Variants in NOM1 observed in about 807,000 individuals in gnomAD.
NOM1 encodes the protein nucleolar protein with MIF4G domain 1.
Under a neutral mutation model 73.3 loss-of-function variants are expected in NOM1, and 58 were observed. That is an observed-to-expected ratio of 0.79 (90% CI 0.64 to 0.99). NOM1 has a LOEUF of 0.99. Ranked by LOEUF, NOM1 falls within the 50% of genes least tolerant of loss-of-function variation. The pLI is 0.00. For missense variants in NOM1, 1,226 were observed against 1,131.9 expected, an observed-to-expected ratio of 1.08 and a Z score of -1.19; for synonymous variants, 487 against 446.8, an observed-to-expected ratio of 1.09 and a Z score of -1.14.
rs1461868519 is a variant in NOM1, at chr7:156,963,060, G to A, written c.1796G>A (p.Ser599Asn). ...ACGCAGCTTCGCGTCTCCTGGGACA[G>A]TGTCTTGAGTGCGGAGCAGACGGGT... ...SETQLRVSWDSVLSAEQTGRW... is the reference protein window; with the variant it reads ...SETQLRVSWDNVLSAEQTGRW... Residue 599 changes from serine to asparagine, a missense_variant, in exon 6 of 11, where the codon AGT becomes AAT. By Grantham distance (46) the Ser-to-Asn change is conservative. Transcript: ENST00000275820. 1.2e-6 allele frequency: 2 copies of A among 1,614,254 alleles called. No homozygotes were observed. The highest frequency in any genetic ancestry group is 8.5e-7 in the Non-Finnish European group (1 of 1,180,038).
chr7:156,954,430 CTCTATTG>C (rs909330742), intron 3 of NOM1, 132 bp downstream of exon 3: 14 of 660,254 alleles, frequency 2.1e-5, no homozygotes, highest in South Asian at 8.1e-5. Flanking sequence ...TGAATAAATA[CTCTATTG>C]TCTATGTCAT....
chr7:156,959,404 A>AT (rs33936500), intron 3 of NOM1, among the ~76,000 whole-genome samples: 71,874 of 150,156 alleles, frequency 0.48, 17,309 homozygotes, highest in Middle Eastern at 0.58. Context: ...CACCTGGCTA[A>AT]TTTTTTTTTG....
In NOM1 at chr7:156,963,176, G is replaced by A. The variant is rs1286999100; in HGVS notation, c.1911+1G>A. On this transcript the variant is annotated splice_donor_variant, in intron 6 of 10. Transcript: ENST00000275820. LOFTEE classifies it high-confidence loss of function. The stretch of plus-strand genomic sequence containing the variant: ...CCTGCAGAAGCAGCTTGTGGGGACG[G>A]TAGGGACACCCATGCTCAAGGCTGC... The A allele has an allele frequency of 1.9e-6, 3 of 1,614,028 alleles. No homozygotes were observed. The highest frequency in any genetic ancestry group is 3.3e-5 in the Admixed American group (2 of 60,028).
intron 5 of NOM1, 91 bp downstream of exon 5, chr7:156,962,352 C>G: frequency 9.5e-7 from 1 of 1,054,126 alleles, no homozygotes. Flanking sequence ...CAGACCTGCA[C>G]GTCAGGGTGG....
At chr7:156,962,000 T>A in intron 4 of NOM1, 151 bp from the exon 5 acceptor site, 1 of 665,764 alleles carries the variant, frequency 1.5e-6, no homozygotes, top group East Asian at 2.6e-5. Flanking sequence ...CTGAGACTAG[T>A]TTAGACTGTC....
chr7:156,950,445 TGAG>T lies in NOM1; in HGVS notation c.717_719del (p.Glu240del). ...ATAGCGGCTTGTACGACAGCAGTGG[TGAG>T]GAGGAGGAAGATGCCGGACAGACAC... On this transcript the variant is annotated inframe_deletion, in exon 1 of 11. Coordinates refer to ENST00000275820, the MANE Select transcript of NOM1 (RefSeq NM_138400.2). The T allele has an allele frequency of 7.4e-6, 12 of 1,612,616 alleles. No individual in the cohort carries two copies. Among genetic ancestry groups the T allele is most frequent in the South Asian group, 1.1e-5 (1 of 91,014 alleles).
In NOM1 at chr7:156,970,653, C is replaced by G. The variant is rs1805120060; in HGVS notation, c.*950C>G. 1 of 152,018 alleles carries G rather than the reference C, an allele frequency of 6.6e-6. No individual in the cohort carries two copies. Among genetic ancestry groups the G allele is most frequent in the African/African-American group, 2.4e-5 (1 of 41,374 alleles). The allele number at this position is 152,018 out of a possible 1,614,324, so 9.4% of individuals were successfully genotyped here. On this transcript the variant is annotated 3_prime_UTR_variant, in exon 11 of 11. Transcript: ENST00000275820. ...TCCTGACCTCAGGTGATACACCCATCTCGGCCTCCCAAAGTGCTGGGATTA... is the reference window on the plus strand; with the variant it reads ...TCCTGACCTCAGGTGATACACCCATGTCGGCCTCCCAAAGTGCTGGGATTA...
chr7:156,966,891 A>T (rs1805011484), intron 8 of NOM1, 70 bp from the exon 9 acceptor site: 1 of 1,420,050 alleles, frequency 7.0e-7, no homozygotes, highest in Admixed American at 2.3e-5. Context: ...CCTTTAGGTT[A>T]TGTTGTTAGT....
chr7:156,949,976 A>T lies in NOM1; in HGVS notation c.239A>T (p.Lys80Ile), dbSNP rs2134764558. ...GTGAGCTTTCGCCCGGGAGGGAGAA[A>T]AAGCCGTAAGGAACTGAGGAAGGAG... ...APVSFRPGGR[K>I]SRKELRKEKR... The change falls in exon 1 of 11, where the codon AAA becomes ATA. Residue 80 changes from lysine (K) to isoleucine (I), a missense_variant. Lys to Ile is a moderately radical substitution (Grantham distance 102, BLOSUM62 -3). Coordinates refer to ENST00000275820, the MANE Select transcript of NOM1 (RefSeq NM_138400.2). 3.2e-6 allele frequency: 5 copies of T among 1,540,616 alleles called. No homozygotes were observed. The East Asian group carries it at 1.2e-4, about 38-fold the overall frequency.
chr7:156,966,154 A>G (rs1340567100), intron 7 of NOM1, 116 bp from the exon 8 acceptor site: 2 of 1,318,330 alleles, frequency 1.5e-6, no homozygotes, highest in African/African-American at 2.9e-5. Flanking sequence ...CACCTCCTTT[A>G]CGTGGCTCGC....
chr7:156,956,826 C>A (rs1045416812), intron 3 of NOM1, among the ~76,000 whole-genome samples: 4 of 152,210 alleles, frequency 2.6e-5, no homozygotes, highest in African/African-American at 9.7e-5. Flanking sequence ...GTGATGGAAT[C>A]ACTGGGTGCC....
At chr7:156,961,621 T>C (rs770035907) in intron 4 of NOM1, among the ~76,000 whole-genome samples, 147 of 152,302 alleles carry the variant, frequency 9.7e-4, no homozygotes, top group Non-Finnish European at 1.5e-3. Context: ...ATACCTTACA[T>C]GAGTGAGTTT....
chr7:156,950,331 C>CA lies in NOM1; in HGVS notation c.599dup (p.Lys201GlufsTer17), dbSNP rs1804553922. The CA allele has an allele frequency of 6.2e-7, 1 of 1,613,638 alleles. No homozygotes were observed. The highest frequency in any genetic ancestry group is 8.5e-7 in the Non-Finnish European group (1 of 1,179,908). ...AGCGTTGCCTCGGTTTGAACAAGCG[C>CA]AAAAAGAAGGACGGCAGCAGCTCCG... is the stretch of plus-strand genomic sequence containing the variant. On this transcript the variant is annotated frameshift_variant, in exon 1 of 11. Transcript: ENST00000275820. LOFTEE classifies it high-confidence loss of function.
At position 156,955,727 on chromosome 7, in the gene NOM1, G is replaced by A. The variant is rs115717958; in HGVS notation, c.1308+1429G>A. Reference sequence around the variant, plus strand: ...CGCTATGTGAAATTCCCAAGATCACGTCTTGTTAAAAGTACACAGAACTTG... The same window carrying A: ...CGCTATGTGAAATTCCCAAGATCACATCTTGTTAAAAGTACACAGAACTTG... On this transcript the variant is annotated intron_variant, in intron 3 of 10. Transcript: ENST00000275820. Among the ~76,000 whole-genome samples, 1,408 of 152,294 alleles carry A rather than the reference G, an allele frequency of 9.2e-3. 27 individuals carry two copies. The highest frequency in any genetic ancestry group is 0.03 in the African/African-American group (1,236 of 41,546).
At position 156,966,422 on chromosome 7, in the gene NOM1, C is replaced by T; in HGVS notation, c.2166+20C>T. 1 of 1,613,356 alleles carries T rather than the reference C, an allele frequency of 6.2e-7. No individual in the cohort carries two copies. Among genetic ancestry groups the T allele is most frequent in the Non-Finnish European group, 8.5e-7 (1 of 1,179,828 alleles). On this transcript the variant is annotated intron_variant, in intron 8 of 10. Transcript: ENST00000275820. ...TTTCAGGTAGCTTAGTGCGGAGGCA[C>T]CAGTTACGTCCGCTCTACTATTTTT... is the stretch of plus-strand genomic sequence containing the variant.
At chr7:156,955,001 A>G (rs895992584) in intron 3 of NOM1, among the ~76,000 whole-genome samples, 1 of 152,164 alleles carries the variant, frequency 6.6e-6, no homozygotes, top group African/African-American at 2.4e-5. Flanking sequence ...TGGGGCATGG[A>G]ACTGCCTGGA....
chr7:156,963,368 T>G (rs1440355847), intron 6 of NOM1, 193 bp downstream of exon 6: 4 of 649,550 alleles, frequency 6.2e-6, no homozygotes, highest in Non-Finnish European at 1.1e-5. Flanking sequence ...TGTTGTATCT[T>G]TTTATTGGAC....
intron 7 of NOM1, among the ~76,000 whole-genome samples, chr7:156,965,268 C>T (rs1261360771): frequency 6.6e-6 from 1 of 152,228 alleles, no homozygotes; most frequent in Non-Finnish European, 1.5e-5. Context: ...CCACATACCC[C>T]TCAGTTGGGG....
intron 3 of NOM1, among the ~76,000 whole-genome samples, 170 bp from the exon 4 acceptor site, chr7:156,959,681 G>A (rs3750134): frequency 0.25 from 38,601 of 152,184 alleles, 5,144 homozygotes; most frequent in East Asian, 0.46. Flanking sequence ...GTGCCCTTGC[G>A]TCCAGGCTGG....
Sources: gnomAD v4.1 joint callset for allele counts (sites outside exome capture counted in the v4.1 genomes callset) on GRCh38, gnomAD v4.1.1 for gene constraint, MANE v1.5 for transcripts, NCBI Gene and HGNC (gene_info 2026-07-23, HGNC 2026-07-21) for gene names.